Variants in DUSP13A observed in about 807,000 individuals in gnomAD.
The protein encoded by DUSP13A is dual specificity protein phosphatase 13A.
chr10:75,107,133 C>G, the DUSP13A span, among the ~76,000 whole-genome samples: 1 of 152,116 alleles, frequency 6.6e-6, no homozygotes, highest in Admixed American at 6.6e-5. Context: ...GTTAGGAGTT[C>G]GAGACCAGCC....
the DUSP13A span, chr10:75,108,254 A>G: frequency 6.5e-7 from 1 of 1,549,788 alleles, no homozygotes; most frequent in Non-Finnish European, 8.7e-7. Context: ...AAGCCATGGG[A>G]CCAGGAGGGA....
chr10:75,107,815 G>A, the DUSP13A span, among the ~76,000 whole-genome samples: 2 of 152,228 alleles, frequency 1.3e-5, no homozygotes, highest in East Asian at 1.9e-4. Flanking sequence ...GACCTCAGGC[G>A]ATCCACCCAC....
the DUSP13A span, chr10:75,109,128 C>A: frequency 6.2e-7 from 1 of 1,606,672 alleles, no homozygotes; most frequent in Non-Finnish European, 8.5e-7. Context: ...TGTCCTCTCC[C>A]CCCAGCTCTG....
the DUSP13A span, chr10:75,108,892 G>C: frequency 2.2e-6 from 3 of 1,353,086 alleles, no homozygotes; most frequent in South Asian, 1.5e-5. Flanking sequence ...TCCCTGGCCT[G>C]GGATGGTCAG....
At chr10:75,108,056 A>G in the DUSP13A span, 1 of 1,613,914 alleles carries the variant, frequency 6.2e-7, no homozygotes, top group Non-Finnish European at 8.5e-7. Flanking sequence ...CACTGATGTC[A>G]AAATCAGGGA....
chr10:75,107,545 G>A, the DUSP13A span, among the ~76,000 whole-genome samples: 4 of 152,086 alleles, frequency 2.6e-5, no homozygotes, highest in Non-Finnish European at 2.9e-5. Flanking sequence ...AAGGAATCGG[G>A]TTCGACAAAA....
the DUSP13A span, chr10:75,107,963 GGGATATGGGCTT>G: frequency 6.3e-7 from 1 of 1,589,798 alleles, no homozygotes; most frequent in Admixed American, 1.8e-5. Context: ...TGAGCAAGAT[GGGATATGGGCTT>G]GGACCCCAAG....
the DUSP13A span, chr10:75,108,169 T>C: frequency 1.8e-5 from 29 of 1,612,026 alleles, no homozygotes; most frequent in Non-Finnish European, 2.5e-5. Context: ...ACGTGGGTGA[T>C]GCCCAGCTTC....
the DUSP13A span, chr10:75,108,121 C>G: frequency 1.9e-6 from 3 of 1,613,736 alleles, no homozygotes; most frequent in Non-Finnish European, 2.5e-6. Context: ...AAGTCAGGGC[C>G]GCCCTGACAG....
the DUSP13A span, chr10:75,105,902 C>T: frequency 2.1e-5 from 33 of 1,535,418 alleles, 1 homozygote; most frequent in South Asian, 3.9e-4. Context: ...AACCCTGTCC[C>T]ACACACCGGC....
At chr10:75,107,192 G>A in the DUSP13A span, among the ~76,000 whole-genome samples, 2 of 152,148 alleles carry the variant, frequency 1.3e-5, no homozygotes, top group African/African-American at 2.4e-5. Context: ...AAAATTAGCC[G>A]GGTATGGTGG....
chr10:75,106,789 G>A, the DUSP13A span, among the ~76,000 whole-genome samples: 5 of 152,208 alleles, frequency 3.3e-5, no homozygotes, highest in Non-Finnish European at 7.3e-5. Context: ...GTAAATAGCT[G>A]GTGAATGAAT....
the DUSP13A span, chr10:75,105,756 C>G: frequency 6.4e-7 from 1 of 1,553,514 alleles, no homozygotes; most frequent in Non-Finnish European, 8.7e-7. Flanking sequence ...ATCGGTGCTG[C>G]CTCACGGTGA....
chr10:75,108,048 C>T, the DUSP13A span: 59 of 1,613,772 alleles, frequency 3.7e-5, no homozygotes, highest in African/African-American at 7.3e-4. Context: ...GAAGTAGGCA[C>T]TGATGTCAAA....
At chr10:75,106,085 T>C in the DUSP13A span, among the ~76,000 whole-genome samples, 1 of 135,928 alleles carries the variant, frequency 7.4e-6, no homozygotes, top group Non-Finnish European at 1.5e-5. Flanking sequence ...AATTTCTTTT[T>C]TCTTTTCTTT....
the DUSP13A span, among the ~76,000 whole-genome samples, chr10:75,108,602 G>T: frequency 6.6e-6 from 1 of 152,104 alleles, no homozygotes; most frequent in Non-Finnish European, 1.5e-5. Context: ...ATGTTTAGAG[G>T]CAACACCTTC....
chr10:75,107,819 C>T, the DUSP13A span, among the ~76,000 whole-genome samples: 1 of 152,142 alleles, frequency 6.6e-6, no homozygotes. Flanking sequence ...TCAGGCGATC[C>T]ACCCACCTCG....
the DUSP13A span, chr10:75,105,680 C>T: frequency 2.5e-5 from 39 of 1,549,006 alleles, no homozygotes; most frequent in Admixed American, 7.8e-5. Context: ...CAGCTCTGGC[C>T]GGCACCCCGC....
chr10:75,108,296 C>A, the DUSP13A span: 1 of 1,498,112 alleles, frequency 6.7e-7, no homozygotes, highest in South Asian at 1.3e-5. Flanking sequence ...GCAGAGGGAC[C>A]GAGCCATTAG....
Sources: gnomAD v4.1 joint callset for allele counts (sites outside exome capture counted in the v4.1 genomes callset) on GRCh38, gnomAD v4.1.1 for gene constraint, MANE v1.5 for transcripts, NCBI Gene and HGNC (gene_info 2026-07-23, HGNC 2026-07-21) for gene names.